Variants in NID2 observed in about 807,000 individuals in gnomAD.
NID2 encodes the protein nidogen-2.
Under a neutral mutation model 145.4 loss-of-function variants are expected in NID2, and 83 were observed. That is an observed-to-expected ratio of 0.57 (90% CI 0.48 to 0.69). The LOEUF (loss-of-function observed/expected upper bound fraction) is 0.69, where lower values mean the gene tolerates loss of function less well. Ranked by LOEUF, NID2 falls within the 30% of genes least tolerant of loss-of-function variation. The probability of loss-of-function intolerance (pLI) is 0.00; values close to 1 mark genes in which losing one functional copy is unlikely to be tolerated. For missense variants in NID2, 1,807 were observed against 1,765.7 expected (o/e 1.02, Z -0.42); for synonymous variants, 739 against 701.3 (o/e 1.05, Z -0.85).
chr14:52,051,522 G>A (rs944795035), intron 5 of NID2, among the ~76,000 whole-genome samples: 1 of 152,124 alleles, frequency 6.6e-6, no homozygotes, highest in African/African-American at 2.4e-5. Context: ...ACATGGCTGG[G>A]TACTTAGTAC....
intron 2 of NID2, among the ~76,000 whole-genome samples, chr14:52,064,150 A>G (rs531171304): frequency 2.0e-4 from 31 of 152,318 alleles, no homozygotes; most frequent in African/African-American, 7.0e-4. Context: ...TTTCTCTGTG[A>G]AATCCAACCA....
At chr14:52,037,913 C>G (rs1048149561) in intron 9 of NID2, among the ~76,000 whole-genome samples, 2 of 152,140 alleles carry the variant, frequency 1.3e-5, no homozygotes, top group Admixed American at 6.5e-5. Context: ...CTTTAGTTTG[C>G]TCATTGCTAC....
rs200451786 is a variant in NID2, at chr14:52,010,843, A to G, written c.3722+33T>C. The G allele has an allele frequency of 2.4e-3, 3,897 of 1,600,906 alleles. 9 individuals are homozygous for G. The highest frequency in any genetic ancestry group is 3.1e-3 in the Non-Finnish European group (3,628 of 1,170,428). ...CCAAGGGCTTCACATCAGGATCTACAGGTAAGAGAAGAATTAGGGAAGCCC... is the reference window on the plus strand; with the variant it reads ...CCAAGGGCTTCACATCAGGATCTACGGGTAAGAGAAGAATTAGGGAAGCCC... On this transcript the variant is annotated intron_variant, in intron 18 of 21. Transcript: ENST00000216286.
At position 52,028,761 on chromosome 14, in the gene NID2, T is replaced by A; in HGVS notation, c.2491A>T (p.Ser831Cys). ...CGGTCATCTGCAAACTCATAACCAC[T>A]CCGGCACTCACACCTGTAGCTTCCA... Reference protein sequence around the residue: ...LPGSYRCECRSGYEFADDRHT... With the variant: ...LPGSYRCECRCGYEFADDRHT... Residue 831 changes from serine (S) to cysteine (C), a missense_variant, in exon 11 of 22, where the codon AGT becomes TGT. Transcript: ENST00000216286. The A allele has an allele frequency of 6.2e-7, 1 of 1,613,992 alleles. No homozygotes were observed. The highest frequency in any genetic ancestry group is 8.5e-7 in the Non-Finnish European group (1 of 1,179,974).
At position 52,053,941 on chromosome 14, in the gene NID2, G is replaced by A. The variant is rs781141213; in HGVS notation, c.1070-3C>T. The A allele has an allele frequency of 1.2e-6, 2 of 1,613,246 alleles. No homozygotes were observed. The highest frequency in any genetic ancestry group is 1.7e-6 in the Non-Finnish European group (2 of 1,179,638). On this transcript the variant is annotated splice_region_variant and splice_polypyrimidine_tract_variant and intron_variant, in intron 4 of 21. Transcript: ENST00000216286. Reference sequence around the variant, plus strand: ...GTGAGGATCCAAGGTGGAAGATTCTGTTTCAGGATAGAATGGCCAATAAGT... The same window carrying A: ...GTGAGGATCCAAGGTGGAAGATTCTATTTCAGGATAGAATGGCCAATAAGT...
chr14:52,054,311 G>A lies in NID2; in HGVS notation c.778C>T (p.Leu260=). The A allele has an allele frequency of 1.2e-6, 2 of 1,611,594 alleles. No homozygotes were observed. The highest frequency in any genetic ancestry group is 1.7e-6 in the Non-Finnish European group (2 of 1,178,216). ...AAAGCCCACACTCCAGGGATCCCCAGGTTGCTTAGTCTAAATAAAAAGGAA... is the reference window on the plus strand; with the variant it reads ...AAAGCCCACACTCCAGGGATCCCCAAGTTGCTTAGTCTAAATAAAAAGGAA... ...SVKNLYQLSN[L]GIPGVWAFHI... is the part of the protein sequence containing the mutation. The change falls in exon 4 of 22, where the codon CTG becomes TTG. Residue 260 remains leucine (L), a synonymous_variant. Transcript: ENST00000216286.
intron 7 of NID2, among the ~76,000 whole-genome samples, chr14:52,041,058 C>T (rs1369599168): frequency 6.6e-6 from 1 of 152,106 alleles, no homozygotes; most frequent in East Asian, 1.9e-4. Flanking sequence ...CCTGCCTTAC[C>T]TCACCCAGCT....
intron 12 of NID2, among the ~76,000 whole-genome samples, chr14:52,020,445 AAAC>A (rs1197109087): frequency 7.9e-5 from 12 of 152,240 alleles, no homozygotes; most frequent in Admixed American, 3.3e-4. Context: ...TCACAGAAAA[AAAC>A]AACACATCTT....
chr14:52,032,652 G>A (rs1223611346), intron 9 of NID2, among the ~76,000 whole-genome samples: 4 of 152,152 alleles, frequency 2.6e-5, no homozygotes, highest in East Asian at 1.9e-4. Flanking sequence ...AAAGCAGGAA[G>A]TAATTGTCAA....
At chr14:52,019,361 C>T (rs1891323873) in intron 13 of NID2, 67 bp from the exon 14 acceptor site, 38 of 1,294,964 alleles carry the variant, frequency 2.9e-5, no homozygotes, top group Non-Finnish European at 3.9e-5. Context: ...ATCCACTTCA[C>T]CAGCCCACAG....
In NID2 at chr14:52,053,626, C is replaced by T; in HGVS notation, c.1382G>A (p.Gly461Glu). 6.2e-7 allele frequency: 1 copy of T among 1,614,244 alleles called. No homozygotes were observed. Among genetic ancestry groups the T allele is most frequent in the East Asian group, 2.2e-5 (1 of 44,880 alleles). Reference sequence around the variant, plus strand: ...GTCTTCCAGTCCCACCTCATACGTCCCTCGACTTAAGGGTGTAGTGTGACC... The same window carrying T: ...GTCTTCCAGTCCCACCTCATACGTCTCTCGACTTAAGGGTGTAGTGTGACC... ...ASGHTTPLSR[G>E]TYEVGLEDNI... The change falls in exon 5 of 22, where the codon GGG (glycine) becomes GAG (glutamate). Residue 461 changes from glycine to glutamate, a missense_variant. Coordinates refer to ENST00000216286, the MANE Select transcript of NID2 (RefSeq NM_007361.4).
intron 9 of NID2, among the ~76,000 whole-genome samples, chr14:52,033,107 T>C (rs1891928776): frequency 6.6e-6 from 1 of 152,250 alleles, no homozygotes; most frequent in Non-Finnish European, 1.5e-5. Context: ...ACTCATTCTC[T>C]ATGACTTGTA....
chr14:52,037,573 G>A (rs747333518), intron 9 of NID2, among the ~76,000 whole-genome samples: 30 of 152,182 alleles, frequency 2.0e-4, no homozygotes, highest in Non-Finnish European at 3.8e-4. Flanking sequence ...TCTAGATTTC[G>A]AGTTTGAGAA....
Position 52,040,796 on chromosome 14 carries a change from A to G in NID2, c.1881T>C (p.Val627=). The G allele has an allele frequency of 1.2e-6, 2 of 1,614,186 alleles. No individual in the cohort carries two copies. The highest frequency in any genetic ancestry group is 1.7e-6 in the Non-Finnish European group (2 of 1,180,036). The change falls in exon 8 of 22, where the codon GTT becomes GTC. Residue 627 remains valine (V), a synonymous_variant. Coordinates refer to ENST00000216286, the MANE Select transcript of NID2 (RefSeq NM_007361.4). ...GTCCCTCAGCAGTTTGAGTGATACGAACCGTCTCCTCTCCCGGGTAGAATG... is the reference window on the plus strand; with the variant it reads ...GTCCCTCAGCAGTTTGAGTGATACGGACCGTCTCCTCTCCCGGGTAGAATG... ...EVTFYPGEET[V]RITQTAEGLD...
rs748024698 is a variant in NID2, at chr14:52,015,077, G to A, written c.3227C>T (p.Ser1076Phe). The change falls in exon 15 of 22, where the codon TCC (serine) becomes TTC (phenylalanine). Residue 1076 changes from serine (S) to phenylalanine (F), a missense_variant. Ser to Phe is a radical substitution (Grantham distance 155). Transcript: ENST00000216286. Reference sequence around the variant, plus strand: ...ACACGCAGGGGTGGTGCCTGGCTGGGAGCGGGTGCCCTGCACCTCTCTGCC... The same window carrying A: ...ACACGCAGGGGTGGTGCCTGGCTGGAAGCGGGTGCCCTGCACCTCTCTGCC... ...KDGREVQGTR[S>F]QPGTTPACIP... 6 of 1,613,786 alleles carry A rather than the reference G, an allele frequency of 3.7e-6. No homozygotes were observed. Among genetic ancestry groups the A allele is most frequent in the East Asian group, 2.2e-5 (1 of 44,886 alleles).
intron 10 of NID2, 72 bp from the exon 11 acceptor site, chr14:52,028,922 A>G (rs1257299565): frequency 2.7e-6 from 4 of 1,496,184 alleles, no homozygotes; most frequent in Non-Finnish European, 3.7e-6. Context: ...TAAAAACTCA[A>G]TGTTTTCTCA....
At chr14:52,047,017 G>T (rs1174518278) in intron 5 of NID2, among the ~76,000 whole-genome samples, 1 of 152,154 alleles carries the variant, frequency 6.6e-6, no homozygotes, top group Non-Finnish European at 1.5e-5. Context: ...TAGGTGAAAG[G>T]TAAATGCTTC....
chr14:52,050,620 T>A (rs184710835), intron 5 of NID2, among the ~76,000 whole-genome samples: 4 of 151,838 alleles, frequency 2.6e-5, no homozygotes, highest in African/African-American at 9.7e-5. Flanking sequence ...ACAGGACAAC[T>A]TTTTTTTTCA....
chr14:52,040,678 T>G lies in NID2; in HGVS notation c.1999A>C (p.Lys667Gln), dbSNP rs770489428. The change falls in exon 8 of 22, where the codon AAG becomes CAG. Residue 667 changes from lysine (K) to glutamine (Q), a missense_variant. Lys to Gln is a moderately conservative substitution (Grantham distance 53). Coordinates refer to ENST00000216286, the MANE Select transcript of NID2 (RefSeq NM_007361.4). ...GAGTCGGAGTAGTGGTACAGCTCCT[T>G]GTAGGGAGAGATGTGGGCTGTGAAA... Reference protein sequence around the residue: ...ANFTAHISPYKELYHYSDSTV... With the variant: ...ANFTAHISPYQELYHYSDSTV... 2 of 1,614,076 alleles carry G rather than the reference T, an allele frequency of 1.2e-6. No individual in the cohort carries two copies. Among genetic ancestry groups the G allele is most frequent in the Non-Finnish European group, 1.7e-6 (2 of 1,179,992 alleles).
Sources: gnomAD v4.1 joint callset for allele counts (sites outside exome capture counted in the v4.1 genomes callset) on GRCh38, gnomAD v4.1.1 for gene constraint, MANE v1.5 for transcripts, NCBI Gene and HGNC (gene_info 2026-07-23, HGNC 2026-07-21) for gene names.